ARHGAP26: variants seen among roughly 807,000 people sequenced by gnomAD.
ARHGAP26 encodes Rho GTPase activating protein 26.
Under a neutral mutation model 104.8 loss-of-function variants are expected in ARHGAP26, and 38 were observed. That is an observed-to-expected ratio of 0.36 (90% CI 0.28 to 0.48). ARHGAP26 has a LOEUF of 0.48. Ranked by LOEUF, ARHGAP26 falls within the 20% of genes least tolerant of loss-of-function variation. The pLI is 0.99. For missense variants in ARHGAP26, 704 were observed against 947.9 expected (o/e 0.74, Z 3.38); for synonymous variants, 341 against 340.0 (o/e 1.00, Z -0.03).
chr5:143,157,075 G>T (rs1466651648), intron 20 of ARHGAP26, among the ~76,000 whole-genome samples: 1 of 152,132 alleles, frequency 6.6e-6, no homozygotes, highest in Non-Finnish European at 1.5e-5. Flanking sequence ...GAGCATCGGC[G>T]TGGACAGATT....
chr5:142,889,172 T>C (rs1456057801), intron 5 of ARHGAP26, among the ~76,000 whole-genome samples: 1 of 152,228 alleles, frequency 6.6e-6, no homozygotes, highest in African/African-American at 2.4e-5. Flanking sequence ...ATGCCTTTGG[T>C]GCTGACTGAT....
chr5:142,848,763 A>G (rs1486572618), intron 1 of ARHGAP26, among the ~76,000 whole-genome samples: 1 of 152,212 alleles, frequency 6.6e-6, no homozygotes, highest in African/African-American at 2.4e-5. Context: ...AGCAGTCTAC[A>G]AAATTGGAAG....
At chr5:143,158,332 A>C (rs938928537) in intron 20 of ARHGAP26, among the ~76,000 whole-genome samples, 2 of 152,228 alleles carry the variant, frequency 1.3e-5, no homozygotes, top group Non-Finnish European at 2.9e-5. Flanking sequence ...AATCAATAGA[A>C]GTGCTCCTCT....
chr5:143,218,419 G>A (rs1329861401), intron 22 of ARHGAP26, among the ~76,000 whole-genome samples: 2 of 152,202 alleles, frequency 1.3e-5, no homozygotes, highest in African/African-American at 4.8e-5. Context: ...TAGGTGCTCA[G>A]TAAACATTTG....
At chr5:142,843,570 G>A (rs1017429881) in intron 1 of ARHGAP26, among the ~76,000 whole-genome samples, 10 of 152,226 alleles carry the variant, frequency 6.6e-5, no homozygotes, top group Non-Finnish European at 4.4e-5. Context: ...GAGTAGTGAC[G>A]TATAATCCCT....
intron 1 of ARHGAP26, among the ~76,000 whole-genome samples, chr5:142,812,663 A>C (rs1474718144): frequency 6.6e-6 from 1 of 151,936 alleles, no homozygotes; most frequent in Non-Finnish European, 1.5e-5. Flanking sequence ...CTGCCTCCCA[A>C]GTATCTGGGA....
At position 142,910,048 on chromosome 5, in the gene ARHGAP26, G is replaced by A. The variant is rs151128902; in HGVS notation, c.933+2244G>A. On this transcript the variant is annotated intron_variant, in intron 9 of 22. Transcript: ENST00000645722. ...TGAATTAGTATATAAAAATTTTTTG[G>A]AACAAATCCTGACACATAATGGGTG... Among the ~76,000 whole-genome samples the A allele has an allele frequency of 3.2e-4, 48 of 152,224 alleles. 1 individual carries two copies. The highest frequency in any genetic ancestry group is 1.1e-3 in the African/African-American group (44 of 41,528).
chr5:143,218,068 C>T (rs979698247), intron 22 of ARHGAP26, among the ~76,000 whole-genome samples: 2 of 152,164 alleles, frequency 1.3e-5, no homozygotes. Context: ...ATCCAACCCG[C>T]CACCTGTTTT....
rs1169193904 is a variant in ARHGAP26 at position 143,222,651 on chromosome 5, G to A, written c.*205G>A. Reference sequence around the variant, plus strand: ...AACATGCATCAGTACTGCAAGAAAAGAAGTCAATCAGCAGAGGAGAGCATT... The same window carrying A: ...AACATGCATCAGTACTGCAAGAAAAAAAGTCAATCAGCAGAGGAGAGCATT... On this transcript the variant is annotated 3_prime_UTR_variant, in exon 23 of 23. Coordinates refer to ENST00000645722, the MANE Select transcript of ARHGAP26 (RefSeq NM_001135608.3). 3 of 404,902 alleles carry A rather than the reference G, an allele frequency of 7.4e-6. No homozygotes were observed. Among genetic ancestry groups the A allele is most frequent in the Non-Finnish European group, 8.8e-6 (2 of 227,106 alleles). The allele number at this position is 404,902 out of a possible 1,614,324, so 25.1% of individuals were successfully genotyped here.
intron 10 of ARHGAP26, among the ~76,000 whole-genome samples, chr5:142,931,396 G>C (rs2152532692): frequency 6.6e-6 from 1 of 152,234 alleles, no homozygotes; most frequent in East Asian, 1.9e-4. Context: ...ATGTCTTCTG[G>C]AGGGCTTGTG....
chr5:142,965,362 G>C (rs1005894576), intron 11 of ARHGAP26, among the ~76,000 whole-genome samples: 3 of 152,194 alleles, frequency 2.0e-5, no homozygotes, highest in Admixed American at 6.5e-5. Context: ...TTCCCGGTCT[G>C]CTAAGTAGCG....
rs534972209 is a variant in ARHGAP26, at chr5:142,964,341, T to C, written c.1107+32216T>C. 1.9e-4 allele frequency among the ~76,000 whole-genome samples: 29 copies of C among 152,342 alleles called. No homozygotes were observed. The East Asian group carries it at 5.4e-3, about 28-fold the overall frequency. On this transcript the variant is annotated intron_variant, in intron 11 of 22. Transcript: ENST00000645722. ...TTGTTCTATTTACTAAATTCTTTTC[T>C]TTGATTTGATTCACTTTCTTTATTT...
intron 18 of ARHGAP26, among the ~76,000 whole-genome samples, chr5:143,122,000 C>T (rs1352358673): frequency 1.3e-5 from 2 of 152,226 alleles, no homozygotes; most frequent in Non-Finnish European, 2.9e-5. Context: ...CCATGCCTCA[C>T]CACGTACACT....
chr5:142,775,127 G>GTA (rs777210649), intron 1 of ARHGAP26, among the ~76,000 whole-genome samples: 6 of 151,584 alleles, frequency 4.0e-5, no homozygotes, highest in South Asian at 4.2e-4. Context: ...ATATAGTAAT[G>GTA]TATATATATA....
chr5:142,852,172 G>A (rs1181025059), intron 1 of ARHGAP26, among the ~76,000 whole-genome samples: 1 of 152,218 alleles, frequency 6.6e-6, no homozygotes, highest in Non-Finnish European at 1.5e-5. Flanking sequence ...GTATGCAGCC[G>A]CCGGCAAAGC....
In ARHGAP26 at chr5:142,890,827, CATCTTCT is replaced by C. The variant is rs566853118; in HGVS notation, c.487-3409_487-3403del. On this transcript the variant is annotated intron_variant, in intron 5 of 22. Coordinates refer to ENST00000645722, the MANE Select transcript of ARHGAP26 (RefSeq NM_001135608.3). The stretch of plus-strand genomic sequence containing the variant: ...CAGAAGCAAGGGCTGATATTATCTC[CATCTTCT>C]AAAGAAGATCAATGACTTGAGCAGG... Among the ~76,000 whole-genome samples, 20 of 152,282 alleles carry C rather than the reference CATCTTCT, an allele frequency of 1.3e-4. No homozygotes were observed. The East Asian group carries it at 3.7e-3, about 28-fold the overall frequency.
chr5:143,104,165 A>G (rs1793669124), intron 17 of ARHGAP26, among the ~76,000 whole-genome samples: 1 of 152,150 alleles, frequency 6.6e-6, no homozygotes, highest in African/African-American at 2.4e-5. Flanking sequence ...CTAGGTGGGA[A>G]TGTAAATTGA....
chr5:142,991,340 G>A (rs751390169), intron 11 of ARHGAP26, among the ~76,000 whole-genome samples: 7 of 152,154 alleles, frequency 4.6e-5, no homozygotes, highest in African/African-American at 1.4e-4. Context: ...GGAGTGTCTC[G>A]ATTTTCCAGG....
intron 11 of ARHGAP26, among the ~76,000 whole-genome samples, chr5:142,962,450 G>C (rs1252019532): frequency 6.6e-6 from 1 of 152,096 alleles, no homozygotes; most frequent in Non-Finnish European, 1.5e-5. Context: ...CACCCTTTAT[G>C]CCCCATTTCT....
Sources: allele counts gnomAD v4.1 joint callset (sites outside exome capture counted in the v4.1 genomes callset), GRCh38; gene constraint gnomAD v4.1.1; transcripts MANE v1.5; gene names NCBI Gene and HGNC (gene_info 2026-07-23, HGNC 2026-07-21).